FMN1: variants seen among roughly 807,000 people sequenced by gnomAD.
FMN1 encodes formin-1.
Under a neutral mutation model 132.4 loss-of-function variants are expected in FMN1, and 110 were observed. The observed-to-expected ratio is 0.83, with a 90% CI of 0.71 to 0.97. The LOEUF is 0.97. FMN1 is among the 50% of genes least tolerant of loss of function. The pLI, the probability that FMN1 is intolerant of heterozygous loss-of-function variation, is 0.00. For synonymous variants in FMN1, 722 were observed against 651.7 expected (o/e 1.11, Z -1.64); for missense variants, 1,792 against 1,705.3 (o/e 1.05, Z -0.90).
chr15:32,865,035 A>G (rs1309305652), intron 16 of FMN1, among the ~76,000 whole-genome samples: 2 of 152,216 alleles, frequency 1.3e-5, no homozygotes, highest in Non-Finnish European at 2.9e-5. Context: ...TTCTACTCAC[A>G]TGAAATGTCC....
chr15:33,133,345 A>G (rs1216279259), intron 4 of FMN1, among the ~76,000 whole-genome samples: 3 of 152,204 alleles, frequency 2.0e-5, no homozygotes, highest in Admixed American at 2.0e-4. Flanking sequence ...ACAGTCCCTG[A>G]GCTTCTCAGA....
Position 32,969,031 on chromosome 15 carries a change from G to A in FMN1, c.2670C>T (p.Pro890=), listed in dbSNP as rs2930131. The change falls in exon 8 of 21, where the codon CCC becomes CCT. Residue 890 remains proline (P), a synonymous_variant. Coordinates refer to ENST00000616417, the MANE Select transcript of FMN1 (RefSeq NM_001277313.2). ...CACTCACAGGTGGCATTGGAGGTGCGGGAGACAAAGATCCAAGTCCTGAGG... is the reference window on the plus strand; with the variant it reads ...CACTCACAGGTGGCATTGGAGGTGCAGGAGACAAAGATCCAAGTCCTGAGG... ...PLPSGLGSLS[P]APPMPPVSAG... 0.57 allele frequency: 805,324 copies of A among 1,410,636 alleles called. 237,440 individuals are homozygous for A. The highest frequency in any genetic ancestry group is 0.78 in the East Asian group (32,097 of 41,414). The allele number at this position is 1,410,636 out of a possible 1,614,324, so 87.4% of individuals were successfully genotyped here. A position where few individuals can be genotyped will look rare whatever the true frequency, so the allele number is the denominator to read the frequency against.
chr15:33,121,285 TACCACAATG>T (rs1387902432), intron 4 of FMN1, among the ~76,000 whole-genome samples: 1 of 152,248 alleles, frequency 6.6e-6, no homozygotes, highest in Non-Finnish European at 1.5e-5. Context: ...TGAGTTTCAA[TACCACAATG>T]ACCAATTACT....
chr15:32,939,036 A>G (rs535209997), intron 9 of FMN1, among the ~76,000 whole-genome samples: 1 of 152,188 alleles, frequency 6.6e-6, no homozygotes, highest in Non-Finnish European at 1.5e-5. Flanking sequence ...CTACATCTCC[A>G]CTAAGCACTG....
At chr15:32,841,328 A>C (rs1461163605) in intron 17 of FMN1, among the ~76,000 whole-genome samples, 1 of 152,228 alleles carries the variant, frequency 6.6e-6, no homozygotes, top group Non-Finnish European at 1.5e-5. Context: ...GAATCATTCC[A>C]TTATTTTAAA....
intron 9 of FMN1, among the ~76,000 whole-genome samples, chr15:32,942,370 G>A (rs1488005617): frequency 6.6e-6 from 1 of 152,218 alleles, no homozygotes; most frequent in African/African-American, 2.4e-5. Context: ...CAGACAGGCT[G>A]AGAAAGAATT....
At chr15:32,948,605 T>C (rs1334069112) in intron 9 of FMN1, among the ~76,000 whole-genome samples, 1 of 152,086 alleles carries the variant, frequency 6.6e-6, no homozygotes, top group African/African-American at 2.4e-5. Flanking sequence ...GTTTTGATCA[T>C]TCACAGTCTT....
intron 6 of FMN1, among the ~76,000 whole-genome samples, chr15:33,043,766 G>T (rs1203766997): frequency 1.3e-5 from 2 of 152,220 alleles, no homozygotes; most frequent in African/African-American, 4.8e-5. Context: ...TGGGAGCCAG[G>T]AACAGGCAGA....
At chr15:32,937,023 T>G (rs2061292020) in intron 9 of FMN1, among the ~76,000 whole-genome samples, 1 of 152,160 alleles carries the variant, frequency 6.6e-6, no homozygotes, top group Non-Finnish European at 1.5e-5. Flanking sequence ...TGGGCGGCCC[T>G]CTGAAAAGCC....
intron 4 of FMN1, among the ~76,000 whole-genome samples, chr15:33,125,150 G>T (rs1370208088): frequency 6.6e-6 from 1 of 152,126 alleles, no homozygotes; most frequent in Non-Finnish European, 1.5e-5. Context: ...GCGGTAGAAT[G>T]CAGAGTTTGA....
rs1166666626 is a variant in FMN1, at chr15:33,154,923, C to T, written c.-9G>A. The T allele has an allele frequency of 1.3e-6, 2 of 1,519,636 alleles. No individual in the cohort carries two copies. Among genetic ancestry groups the T allele is most frequent in the Non-Finnish European group, 1.8e-6 (2 of 1,138,750 alleles). 94.1% of individuals were successfully genotyped at this position (1,519,636 alleles called of 1,614,324 possible). Reference sequence around the variant, plus strand: ...CAATGAGTGCCTTCCATTATGCCTACCTAATTATTCATGCCTTGGAGATGC... The same window carrying T: ...CAATGAGTGCCTTCCATTATGCCTATCTAATTATTCATGCCTTGGAGATGC... On this transcript the variant is annotated 5_prime_UTR_variant, in exon 4 of 21. Coordinates refer to ENST00000616417, the MANE Select transcript of FMN1 (RefSeq NM_001277313.2).
chr15:32,814,743 T>C (rs968743707), intron 17 of FMN1, among the ~76,000 whole-genome samples: 5 of 152,198 alleles, frequency 3.3e-5, no homozygotes, highest in Non-Finnish European at 7.3e-5. Context: ...TGAAGGTGTA[T>C]AGTTTCTGAA....
intron 16 of FMN1, among the ~76,000 whole-genome samples, chr15:32,869,155 A>G (rs945049049): frequency 1.3e-5 from 2 of 152,204 alleles, no homozygotes; most frequent in Non-Finnish European, 1.5e-5. Context: ...GAATGAGTTA[A>G]GTGGTGTAGC....
intron 4 of FMN1, among the ~76,000 whole-genome samples, chr15:33,138,293 G>A (rs543591728): frequency 1.3e-5 from 2 of 152,258 alleles, no homozygotes; most frequent in South Asian, 2.1e-4. Context: ...AAGATGAGTA[G>A]GTGAAATGTA....
chr15:32,847,274 GT>G (rs1567263826), intron 17 of FMN1, among the ~76,000 whole-genome samples: 3 of 145,440 alleles, frequency 2.1e-5, no homozygotes, highest in East Asian at 4.0e-4. Flanking sequence ...AGATGTAGGG[GT>G]GTGTGTGTGT....
intron 6 of FMN1, 142 bp from the exon 7 acceptor site, chr15:33,008,217 G>A: frequency 5.9e-6 from 4 of 681,536 alleles, no homozygotes; most frequent in Admixed American, 2.7e-5. Flanking sequence ...AAAAATTACA[G>A]AAAGATAGGA....
chr15:32,849,242 C>T (rs535486132), intron 17 of FMN1, among the ~76,000 whole-genome samples: 44 of 151,652 alleles, frequency 2.9e-4, no homozygotes, highest in African/African-American at 9.9e-4. Flanking sequence ...CTGCCCGCCT[C>T]GGCCTCCCAA....
chr15:33,127,744 G>A lies in FMN1; in HGVS notation c.1867+25304C>T, dbSNP rs147817798. Among the ~76,000 whole-genome samples the A allele has an allele frequency of 8.0e-4, 122 of 152,294 alleles. 1 individual carries two copies. Among genetic ancestry groups the A allele is most frequent in the African/African-American group, 2.9e-3 (120 of 41,566 alleles). On this transcript the variant is annotated intron_variant, in intron 4 of 20. Coordinates refer to ENST00000616417, the MANE Select transcript of FMN1 (RefSeq NM_001277313.2). ...TCAGGCAGGTTATATTGTAATGATA[G>A]GGGAAACCAATGCCACATCCACTTG... is the stretch of plus-strand genomic sequence containing the variant.
chr15:32,890,222 G>C (rs2059994045), intron 15 of FMN1, among the ~76,000 whole-genome samples: 1 of 152,166 alleles, frequency 6.6e-6, no homozygotes, highest in South Asian at 2.1e-4. Flanking sequence ...GAACTGTGCT[G>C]CTATAAACAT....
Sources: gnomAD v4.1 joint callset for allele counts (sites outside exome capture counted in the v4.1 genomes callset) on GRCh38, gnomAD v4.1.1 for gene constraint, MANE v1.5 for transcripts, NCBI Gene and HGNC (gene_info 2026-07-23, HGNC 2026-07-21) for gene names.